NEDD4L: variants seen among roughly 807,000 people sequenced by gnomAD.
NEDD4L encodes the protein NEDD4 like E3 ubiquitin protein ligase.
In NEDD4L, 54 loss-of-function variants were observed where a neutral mutation model predicts 148.9. The ratio of observed to expected loss-of-function variants is 0.36; its 90% CI spans 0.29 to 0.45. NEDD4L has a LOEUF of 0.45. Ranked by LOEUF, NEDD4L falls within the 20% of genes least tolerant of loss-of-function variation. NEDD4L has a pLI of 1.00. For synonymous variants in NEDD4L, 433 were observed against 440.7 expected, an observed-to-expected ratio of 0.98 and a Z score of 0.22; for missense variants, 856 against 1,233.8, an observed-to-expected ratio of 0.69 and a Z score of 4.59.
intron 25 of NEDD4L, among the ~76,000 whole-genome samples, chr18:58,384,498 A>G (rs933948465): frequency 1.1e-4 from 16 of 152,210 alleles, no homozygotes; most frequent in Admixed American, 2.0e-4. Context: ...GGGTTTAAAA[A>G]ATATTCTAGC....
intron 2 of NEDD4L, among the ~76,000 whole-genome samples, chr18:58,231,405 G>A (rs764625675): frequency 1.3e-5 from 2 of 152,012 alleles, no homozygotes; most frequent in Non-Finnish European, 2.9e-5. Flanking sequence ...AGGAGGTGCT[G>A]GCTGCCTGGA....
At chr18:58,389,515 A>AG in intron 28 of NEDD4L, 1 of 218,990 alleles carries the variant, frequency 4.6e-6, no homozygotes, top group Non-Finnish European at 9.0e-6. Context: ...TTCTCAGGGC[A>AG]GAAACAGGCT....
intron 5 of NEDD4L, among the ~76,000 whole-genome samples, chr18:58,271,446 C>T (rs762460880): frequency 6.6e-6 from 1 of 152,282 alleles, no homozygotes; most frequent in East Asian, 1.9e-4. Context: ...AAACCAAGAT[C>T]ACTTTTTGGT....
chr18:58,263,680 T>C (rs1413609097), intron 5 of NEDD4L, among the ~76,000 whole-genome samples: 3 of 99,226 alleles, frequency 3.0e-5, no homozygotes, highest in Non-Finnish European at 4.6e-5. Context: ...TTTTTTTTTC[T>C]CTCTCTCATG....
intron 24 of NEDD4L, among the ~76,000 whole-genome samples, chr18:58,375,064 G>A (rs1157579945): frequency 2.6e-5 from 4 of 151,956 alleles, no homozygotes; most frequent in Non-Finnish European, 5.9e-5. Flanking sequence ...TCTCATCAGT[G>A]CCACCACTGT....
chr18:58,306,769 G>A (rs533776466), intron 5 of NEDD4L, among the ~76,000 whole-genome samples: 59 of 152,232 alleles, frequency 3.9e-4, no homozygotes, highest in South Asian at 1.5e-3. Context: ...GAGATTACAG[G>A]CAACCGCCAC....
chr18:58,230,758 A>G (rs1027454203), intron 2 of NEDD4L, among the ~76,000 whole-genome samples: 7 of 152,104 alleles, frequency 4.6e-5, no homozygotes, highest in South Asian at 2.1e-4. Context: ...AGACAAGACT[A>G]TTTTCCAAAC....
intron 1 of NEDD4L, among the ~76,000 whole-genome samples, chr18:58,108,203 A>G (rs973908833): frequency 3.3e-5 from 5 of 152,216 alleles, no homozygotes; most frequent in Admixed American, 6.5e-5. Context: ...CATTTGAGTC[A>G]TTTATTGAAC....
intron 1 of NEDD4L, among the ~76,000 whole-genome samples, chr18:58,070,451 T>G (rs1241817982): frequency 6.6e-6 from 1 of 151,998 alleles, no homozygotes; most frequent in Non-Finnish European, 1.5e-5. Flanking sequence ...TAATTTTTTT[T>G]GTAGAGATGG....
intron 1 of NEDD4L, among the ~76,000 whole-genome samples, chr18:58,105,817 G>A (rs768229876): frequency 1.3e-5 from 2 of 152,152 alleles, no homozygotes; most frequent in Non-Finnish European, 2.9e-5. Flanking sequence ...GGTACTTTTT[G>A]GAAGGAAAGA....
At chr18:58,278,562 C>T (rs1001810872) in intron 5 of NEDD4L, among the ~76,000 whole-genome samples, 7 of 152,190 alleles carry the variant, frequency 4.6e-5, no homozygotes, top group Non-Finnish European at 8.8e-5. Flanking sequence ...TCAGGTGAAT[C>T]GACTTGCATT....
At chr18:58,223,036 CTT>C (rs780248173) in intron 2 of NEDD4L, among the ~76,000 whole-genome samples, 16 of 135,750 alleles carry the variant, frequency 1.2e-4, no homozygotes, top group African/African-American at 2.1e-4. Flanking sequence ...GGGTGCTGAC[CTT>C]TTTTTTTTTT....
intron 1 of NEDD4L, among the ~76,000 whole-genome samples, chr18:58,063,717 C>T (rs1402681923): frequency 1.3e-5 from 2 of 151,884 alleles, no homozygotes; most frequent in Non-Finnish European, 2.9e-5. Flanking sequence ...AGGCACTCGC[C>T]ACCATGCCCG....
At chr18:58,056,348 G>T (rs1344975355) in intron 1 of NEDD4L, among the ~76,000 whole-genome samples, 2 of 152,206 alleles carry the variant, frequency 1.3e-5, no homozygotes, top group Non-Finnish European at 2.9e-5. Flanking sequence ...GTGTTTTATG[G>T]TGGCCCATAA....
At chr18:58,325,964 CAAG>C (rs1427822157) in intron 9 of NEDD4L, among the ~76,000 whole-genome samples, 2 of 152,010 alleles carry the variant, frequency 1.3e-5, no homozygotes. Flanking sequence ...GCAGCCAAGA[CAAG>C]GAGGAAATTA....
chr18:58,209,758 A>T (rs1480182222), intron 2 of NEDD4L, among the ~76,000 whole-genome samples: 1 of 152,112 alleles, frequency 6.6e-6, no homozygotes, highest in Non-Finnish European at 1.5e-5. Flanking sequence ...AGGAGATGAT[A>T]AGATTTAAAA....
At chr18:58,197,996 T>C (rs1314413627) in intron 2 of NEDD4L, 3 of 152,376 alleles carry the variant, frequency 2.0e-5, no homozygotes, top group African/African-American at 7.2e-5. Flanking sequence ...CTGGGTCTCT[T>C]TGGCACCAAC....
intron 2 of NEDD4L, among the ~76,000 whole-genome samples, chr18:58,223,112 G>A (rs2043953078): frequency 6.6e-6 from 1 of 151,322 alleles, no homozygotes; most frequent in African/African-American, 2.4e-5. Context: ...TGGGAATCTA[G>A]TAAGATGGAA....
At chr18:58,217,074 C>T (rs571638942) in intron 2 of NEDD4L, among the ~76,000 whole-genome samples, 39 of 152,298 alleles carry the variant, frequency 2.6e-4, no homozygotes, top group African/African-American at 8.9e-4. Context: ...GACCTTTCCC[C>T]CTTCTTGATG....
Sources: allele counts gnomAD v4.1 joint callset (sites outside exome capture counted in the v4.1 genomes callset), GRCh38; gene constraint gnomAD v4.1.1; transcripts MANE v1.5; gene names NCBI Gene and HGNC (gene_info 2026-07-23, HGNC 2026-07-21).